Variants in LRP1B observed in about 807,000 individuals in gnomAD.
LRP1B encodes LDL receptor related protein 1B, also known as low-density lipoprotein receptor-related protein 1B.
Under a neutral mutation model 556.6 loss-of-function variants are expected in LRP1B, and 217 were observed. The observed-to-expected ratio is 0.39, with a 90% CI of 0.35 to 0.44. The LOEUF (loss-of-function observed/expected upper bound fraction) is 0.44, where lower values mean the gene tolerates loss of function less well. Among genes scored for constraint, LRP1B ranks in the 20% least tolerant of loss-of-function variants. The pLI, the probability that LRP1B is intolerant of heterozygous loss-of-function variation, is 1.00. For synonymous variants in LRP1B, 2,047 were observed against 1,865.8 expected (o/e 1.10, Z -2.50); for missense variants, 5,053 against 5,620.8 (o/e 0.90, Z 3.23).
intron 43 of LRP1B, among the ~76,000 whole-genome samples, chr2:140,571,556 T>C (rs1176452395): frequency 6.6e-6 from 1 of 151,762 alleles, no homozygotes; most frequent in Non-Finnish European, 1.5e-5. Context: ...TTTAGATGAA[T>C]CAATACTGTG....
chr2:141,500,668 G>A (rs1683681950), intron 2 of LRP1B, among the ~76,000 whole-genome samples: 1 of 152,132 alleles, frequency 6.6e-6, no homozygotes, highest in African/African-American at 2.4e-5. Context: ...CACAATGAAA[G>A]AGGGATTCGG....
intron 7 of LRP1B, among the ~76,000 whole-genome samples, chr2:141,187,396 C>T (rs1681308199): frequency 6.6e-6 from 1 of 152,050 alleles, no homozygotes; most frequent in Non-Finnish European, 1.5e-5. Context: ...AATATTTTCC[C>T]ATTTATTGAA....
At chr2:141,748,074 C>T (rs1169728056) in intron 2 of LRP1B, among the ~76,000 whole-genome samples, 1 of 152,146 alleles carries the variant, frequency 6.6e-6, no homozygotes, top group African/African-American at 2.4e-5. Flanking sequence ...GTCCAGTTTA[C>T]AAATTATAAA....
rs543637631 is a variant in LRP1B, at chr2:141,144,924, G to T, written c.1013+43497C>A. 3.9e-5 allele frequency among the ~76,000 whole-genome samples: 6 copies of T among 152,254 alleles called. No homozygotes were observed. In the South Asian group the frequency reaches 1.2e-3, roughly 32 times the overall value. On this transcript the variant is annotated intron_variant, in intron 7 of 90. Coordinates refer to ENST00000389484, the MANE Select transcript of LRP1B (RefSeq NM_018557.3). ...ACTAACTACAGACTAAATGGAAAAT[G>T]GTTCTCAGGCTAATGTTTCCAAAAG...
chr2:141,506,570 C>T (rs1028229947), intron 2 of LRP1B, among the ~76,000 whole-genome samples: 9 of 151,898 alleles, frequency 5.9e-5, no homozygotes, highest in East Asian at 3.9e-4. Context: ...TGTTACATTA[C>T]GGGAAGAGTT....
intron 6 of LRP1B, among the ~76,000 whole-genome samples, chr2:141,224,049 A>G (rs922285606): frequency 1.3e-5 from 2 of 152,180 alleles, no homozygotes; most frequent in African/African-American, 4.8e-5. Flanking sequence ...TAATTAAACT[A>G]AAGAGCTTCT....
At chr2:142,004,992 C>CTATATATTTAGTATTATAGATAT (rs1371501075) in intron 1 of LRP1B, among the ~76,000 whole-genome samples, 2 of 148,206 alleles carry the variant, frequency 1.3e-5, no homozygotes, top group African/African-American at 4.9e-5. Flanking sequence ...ATTATAGATA[C>CTATATATTTAGTATTATAGATAT]TATATATTTA....
intron 79 of LRP1B, among the ~76,000 whole-genome samples, chr2:140,330,650 G>T (rs1680758571): frequency 6.6e-6 from 1 of 151,978 alleles, no homozygotes; most frequent in African/African-American, 2.4e-5. Flanking sequence ...TACCATTCAG[G>T]TCATAGGCAA....
Position 141,295,507 on chromosome 2 carries a change from G to A in LRP1B, c.344-40866C>T, listed in dbSNP as rs548370359. ...GGTCTGAACTAATTTTATTGGATCA[G>A]TAGCAGTCAGTAAAGCAATTGCTTA... On this transcript the variant is annotated intron_variant, in intron 3 of 90. Coordinates refer to ENST00000389484, the MANE Select transcript of LRP1B (RefSeq NM_018557.3). Among the ~76,000 whole-genome samples, 133 of 152,238 alleles carry A rather than the reference G, an allele frequency of 8.7e-4. 1 individual carries two copies. Among genetic ancestry groups the A allele is most frequent in the Non-Finnish European group, 9.4e-4 (64 of 68,022 alleles).
intron 8 of LRP1B, among the ~76,000 whole-genome samples, chr2:141,061,300 G>A (rs577815110): frequency 6.6e-6 from 1 of 151,810 alleles, no homozygotes; most frequent in East Asian, 1.9e-4. Context: ...ATCACAGAAT[G>A]TACCTGTCTT....
chr2:140,483,433 A>G (rs1688320717), intron 59 of LRP1B, among the ~76,000 whole-genome samples: 1 of 151,670 alleles, frequency 6.6e-6, no homozygotes, highest in Non-Finnish European at 1.5e-5. Context: ...AATAGAAAAG[A>G]CCACAGACTG....
At chr2:141,000,758 AT>A (rs1697395715) in intron 15 of LRP1B, among the ~76,000 whole-genome samples, 1 of 151,958 alleles carries the variant, frequency 6.6e-6, no homozygotes, top group South Asian at 2.1e-4. Context: ...GCTTTGTAGG[AT>A]TTTACTTCCT....
intron 1 of LRP1B, among the ~76,000 whole-genome samples, chr2:141,995,741 C>T (rs1702471916): frequency 6.6e-6 from 1 of 152,076 alleles, no homozygotes; most frequent in Admixed American, 6.6e-5. Context: ...GGGATTTTAG[C>T]TTTTATTGGT....
At chr2:140,770,810 T>C (rs2104938405) in intron 34 of LRP1B, 71 bp downstream of exon 34, 1 of 1,335,794 alleles carries the variant, frequency 7.5e-7, no homozygotes, top group Non-Finnish European at 9.9e-7. Flanking sequence ...TTTGGTTGCC[T>C]AACATCTGCA....
At chr2:141,464,606 A>ATATATATATTTTTTTTTTTTTTTTTTT in intron 3 of LRP1B, among the ~76,000 whole-genome samples, 4 of 90,536 alleles carry the variant, frequency 4.4e-5, no homozygotes, top group East Asian at 2.8e-4. Context: ...ATATATATAT[A>ATATATATATTTTTTTTTTTTTTTTTTT]TTTTTTTAGT....
Position 140,456,472 on chromosome 2 carries a change from T to C in LRP1B, c.9946A>G (p.Asn3316Asp). 6.2e-7 allele frequency: 1 copy of C among 1,613,128 alleles called. No homozygotes were observed. Among genetic ancestry groups the C allele is most frequent in the Non-Finnish European group, 8.5e-7 (1 of 1,179,380 alleles). ...CCACTCACCTGGCTGGCTGTGCAGT[T>C]GGATAAGCAAGTCCTATTATCAGCT... Reference protein sequence around the residue: ...LAADNRTCLSNCTASQFRCKT... With the variant: ...LAADNRTCLSDCTASQFRCKT... The change falls in exon 62 of 91, where the codon AAC becomes GAC. Residue 3316 changes from asparagine to aspartate, a missense_variant. Asn to Asp is a conservative substitution (Grantham distance 23). Around this residue, in one of 5 missense-constraint regions of LRP1B, gnomAD observed 262 missense variants for 395.1 expected, o/e 0.66. Coordinates refer to ENST00000389484, the MANE Select transcript of LRP1B (RefSeq NM_018557.3).
intron 1 of LRP1B, among the ~76,000 whole-genome samples, chr2:141,851,901 T>C (rs372700184): frequency 2.6e-5 from 4 of 151,686 alleles, no homozygotes; most frequent in African/African-American, 9.7e-5. Context: ...AGAGTGAGAA[T>C]TGCTTTCTTG....
At position 140,776,311 on chromosome 2, in the gene LRP1B, C is replaced by T. The variant is rs563099537; in HGVS notation, c.5360-73G>A. ...TAAATAATAATAAATACTTACTAAA[C>T]TATAATACTCTCTGATTTCTTTTGT... On this transcript the variant is annotated intron_variant, in intron 32 of 90. Transcript: ENST00000389484. The T allele has an allele frequency of 4.4e-6, 4 of 918,114 alleles. No homozygotes were observed. The East Asian group carries it at 1.3e-4, about 30-fold the overall frequency. The allele number at this position is 918,114 out of a possible 1,614,324, so 56.9% of individuals were successfully genotyped here.
At chr2:140,832,070 G>T (rs1283879834) in intron 31 of LRP1B, among the ~76,000 whole-genome samples, 1 of 152,120 alleles carries the variant, frequency 6.6e-6, no homozygotes, top group African/African-American at 2.4e-5. Flanking sequence ...GTTGTTGGTG[G>T]GAAAGTAATT....
Sources: gnomAD v4.1 joint callset for allele counts (sites outside exome capture counted in the v4.1 genomes callset) on GRCh38, gnomAD v4.1.1 for gene constraint, gnomAD v4.1.1 regional missense constraint, MANE v1.5 for transcripts, NCBI Gene and HGNC (gene_info 2026-07-23, HGNC 2026-07-21) for gene names.